Variants in FER observed in about 807,000 individuals in gnomAD.
FER encodes the protein tyrosine-protein kinase Fer.
In FER, 63 loss-of-function variants were observed where a neutral mutation model predicts 111.0. That is an observed-to-expected ratio of 0.57 (90% CI 0.46 to 0.70). The LOEUF (loss-of-function observed/expected upper bound fraction) is 0.70, where lower values mean the gene tolerates loss of function less well. FER is among the 30% of genes least tolerant of loss of function. The pLI is 0.00. For missense variants in FER, 914 were observed against 954.0 expected (o/e 0.96, Z 0.55); for synonymous variants, 327 against 313.9 (o/e 1.04, Z -0.44).
intron 16 of FER, among the ~76,000 whole-genome samples, chr5:109,056,913 A>C (rs909577135): frequency 1.3e-5 from 2 of 152,174 alleles, no homozygotes; most frequent in African/African-American, 4.8e-5. Flanking sequence ...TTCTTTTAGA[A>C]GTCCTTTGCA....
chr5:109,032,694 A>T (rs1188904240), intron 13 of FER, among the ~76,000 whole-genome samples: 1 of 152,204 alleles, frequency 6.6e-6, no homozygotes, highest in Admixed American at 6.5e-5. Context: ...TGCTTAGGCA[A>T]TTAGAAGGTA....
At chr5:108,987,360 C>T (rs1174580509) in intron 13 of FER, among the ~76,000 whole-genome samples, 2 of 151,984 alleles carry the variant, frequency 1.3e-5, no homozygotes, top group African/African-American at 2.4e-5. Flanking sequence ...GCAGGAGAAT[C>T]GCTTGAACCT....
At chr5:108,938,624 G>A (rs568975246) in intron 10 of FER, among the ~76,000 whole-genome samples, 8 of 152,086 alleles carry the variant, frequency 5.3e-5, no homozygotes, top group African/African-American at 1.9e-4. Context: ...TGAAAATGAT[G>A]TAGCATGGCA....
At chr5:109,142,094 C>T (rs976871380) in intron 17 of FER, among the ~76,000 whole-genome samples, 3 of 152,024 alleles carry the variant, frequency 2.0e-5, no homozygotes, top group African/African-American at 7.2e-5. Context: ...TAACTTTGGG[C>T]TCAGGAAGAA....
intron 13 of FER, among the ~76,000 whole-genome samples, chr5:109,026,208 T>G (rs1768709194): frequency 6.6e-6 from 1 of 152,118 alleles, no homozygotes; most frequent in South Asian, 2.1e-4. Flanking sequence ...TAGGATAAAA[T>G]AAATTATACA....
chr5:109,145,686 G>A (rs139018482), intron 17 of FER, among the ~76,000 whole-genome samples: 2 of 152,132 alleles, frequency 1.3e-5, no homozygotes, highest in African/African-American at 4.8e-5. Flanking sequence ...TTCAAGTGTG[G>A]TAAAACATTT....
chr5:108,982,721 A>G (rs1762138800), intron 13 of FER, among the ~76,000 whole-genome samples: 1 of 152,098 alleles, frequency 6.6e-6, no homozygotes, highest in Non-Finnish European at 1.5e-5. Flanking sequence ...GTCATATTTT[A>G]GGTTGAGTCA....
Position 108,992,370 on chromosome 5 carries a change from C to G in FER, c.1656+33023C>G, listed in dbSNP as rs544262899. ...CAAAACCGCCATTGTCATCATGGCCCGTTCTCAATGAGCTGTTGGGTACAC... is the reference window on the plus strand; with the variant it reads ...CAAAACCGCCATTGTCATCATGGCCGGTTCTCAATGAGCTGTTGGGTACAC... On this transcript the variant is annotated intron_variant, in intron 13 of 19. Coordinates refer to ENST00000281092, the MANE Select transcript of FER (RefSeq NM_005246.4). Among the ~76,000 whole-genome samples the G allele has an allele frequency of 5.9e-3, 900 of 152,298 alleles. 5 individuals carry two copies. The highest frequency in any genetic ancestry group is 0.021 in the African/African-American group (862 of 41,558).
intron 4 of FER, among the ~76,000 whole-genome samples, chr5:108,835,492 A>G (rs768672261): frequency 4.6e-5 from 7 of 151,888 alleles, no homozygotes; most frequent in Non-Finnish European, 8.8e-5. Context: ...CTGATTTGCT[A>G]TTCTCTTAAA....
chr5:108,925,918 T>G (rs1302999510), intron 10 of FER, among the ~76,000 whole-genome samples: 2 of 152,036 alleles, frequency 1.3e-5, no homozygotes, highest in Non-Finnish European at 1.5e-5. Flanking sequence ...TTATATATAA[T>G]AATGTCTCTG....
intron 9 of FER, among the ~76,000 whole-genome samples, chr5:108,890,850 C>G (rs891364926): frequency 6.6e-6 from 1 of 152,010 alleles, no homozygotes; most frequent in Non-Finnish European, 1.5e-5. Context: ...ATAAAGGTCT[C>G]CAAACATTTA....
At chr5:108,929,945 A>G (rs1754328163) in intron 10 of FER, among the ~76,000 whole-genome samples, 1 of 152,208 alleles carries the variant, frequency 6.6e-6, no homozygotes, top group Non-Finnish European at 1.5e-5. Context: ...TGAATGAGGC[A>G]TTTCATTAGT....
chr5:109,026,263 T>A (rs996955744), intron 13 of FER, among the ~76,000 whole-genome samples: 2 of 152,196 alleles, frequency 1.3e-5, no homozygotes, highest in African/African-American at 4.8e-5. Context: ...AATGAAATAT[T>A]TTCTAAGGTA....
At position 109,189,180 on chromosome 5, in the gene FER, G is replaced by GAACTT. The variant is rs1209515787; in HGVS notation, c.*1607_*1611dup. On this transcript the variant is annotated 3_prime_UTR_variant, in exon 20 of 20. Coordinates refer to ENST00000281092, the MANE Select transcript of FER (RefSeq NM_005246.4). Reference sequence around the variant, plus strand: ...TTCTGTATCTTAACTCTTATCTAGGGAACTTACTTACTTACCCCATGATCT... The same window carrying GAACTT: ...TTCTGTATCTTAACTCTTATCTAGGGAACTTAACTTACTTACTTACCCCATGATCT... 6.9e-6 allele frequency: 1 copy of GAACTT among 143,904 alleles called. No homozygotes were observed. Among genetic ancestry groups the GAACTT allele is most frequent in the Admixed American group, 6.8e-5 (1 of 14,714 alleles). 8.9% of individuals were successfully genotyped at this position (143,904 alleles called of 1,614,324 possible). A position where few individuals can be genotyped will look rare whatever the true frequency, so the allele number is the denominator to read the frequency against.
chr5:108,884,810 A>G (rs1001617806), intron 9 of FER, among the ~76,000 whole-genome samples: 2 of 152,010 alleles, frequency 1.3e-5, no homozygotes, highest in Non-Finnish European at 2.9e-5. Flanking sequence ...CTTAGTTTTC[A>G]AAGTCTGGCT....
At chr5:108,833,702 G>A (rs1760292700) in intron 4 of FER, among the ~76,000 whole-genome samples, 1 of 152,000 alleles carries the variant, frequency 6.6e-6, no homozygotes, top group Middle Eastern at 3.4e-3. Flanking sequence ...GTGAAACCCC[G>A]TCTCTACTAA....
intron 16 of FER, among the ~76,000 whole-genome samples, chr5:109,062,748 C>G (rs1031776884): frequency 5.9e-5 from 9 of 152,080 alleles, no homozygotes; most frequent in Non-Finnish European, 1.2e-4. Context: ...AAATGTCAGT[C>G]TCAACTTTTT....
intron 10 of FER, among the ~76,000 whole-genome samples, chr5:108,945,348 G>T (rs763410197): frequency 8.6e-4 from 130 of 151,284 alleles, no homozygotes; most frequent in African/African-American, 1.8e-3. Context: ...CCTAGTTTTG[G>T]TTTTTTTTCC....
rs190811268 is a variant in FER, at chr5:109,023,006, T to C, written c.1657-14416T>C. On this transcript the variant is annotated intron_variant, in intron 13 of 19. Transcript: ENST00000281092. Reference sequence around the variant, plus strand: ...AATAGCAGGTTCTTAATTACATCTTTTTAAAGAAACCACATCTTTTTTCTT... The same window carrying C: ...AATAGCAGGTTCTTAATTACATCTTCTTAAAGAAACCACATCTTTTTTCTT... Among the ~76,000 whole-genome samples the C allele has an allele frequency of 1.7e-3, 256 of 152,284 alleles. 2 individuals carry two copies. The highest frequency in any genetic ancestry group is 5.7e-3 in the African/African-American group (239 of 41,570).
Sources: allele counts gnomAD v4.1 joint callset (sites outside exome capture counted in the v4.1 genomes callset), GRCh38; gene constraint gnomAD v4.1.1; transcripts MANE v1.5; gene names NCBI Gene and HGNC (gene_info 2026-07-23, HGNC 2026-07-21).